SEMA5A: variants seen among roughly 807,000 people sequenced by gnomAD.
SEMA5A encodes the protein semaphorin-5A.
Under a neutral mutation model 135.5 loss-of-function variants are expected in SEMA5A, and 55 were observed. The ratio of observed to expected loss-of-function variants is 0.41; its 90% CI spans 0.33 to 0.51. The LOEUF is 0.51. SEMA5A is among the 20% of genes least tolerant of loss of function. SEMA5A has a pLI of 0.37. For synonymous variants in SEMA5A, 580 were observed against 546.5 expected (o/e 1.06, Z -0.85); for missense variants, 1,290 against 1,419.9 (o/e 0.91, Z 1.47).
At chr5:9,149,365 C>G (rs1380986369) in intron 12 of SEMA5A, among the ~76,000 whole-genome samples, 2 of 152,176 alleles carry the variant, frequency 1.3e-5, no homozygotes, top group Non-Finnish European at 2.9e-5. Flanking sequence ...ACATCAGGGC[C>G]AGGTGCGGTG....
intron 11 of SEMA5A, among the ~76,000 whole-genome samples, chr5:9,155,142 G>A (rs1240829701): frequency 6.6e-6 from 1 of 152,078 alleles, no homozygotes; most frequent in Non-Finnish European, 1.5e-5. Context: ...TATCCAGTAC[G>A]ACTGTGATGC....
At chr5:9,056,754 A>G (rs1281642380) in intron 18 of SEMA5A, among the ~76,000 whole-genome samples, 1 of 152,186 alleles carries the variant, frequency 6.6e-6, no homozygotes, top group East Asian at 1.9e-4. Context: ...TTACTGTAAG[A>G]TCTAGCAATC....
chr5:9,044,526 G>C lies in SEMA5A; in HGVS notation c.2952C>G (p.Leu984=). Residue 984 remains leucine, a synonymous_variant, in exon 22 of 23, where the codon CTC becomes CTG. Coordinates refer to ENST00000382496, the MANE Select transcript of SEMA5A (RefSeq NM_003966.3). ...AGTAAGTATAGACGAGCAGGGTGAG[G>C]AGGCAGCCGAGGATGGAGCTGCTCA... ...VGLSSSILGC[L]LTLLVYTYCQ... is the part of the protein sequence containing the mutation. 6.2e-7 allele frequency: 1 copy of C among 1,614,038 alleles called. No homozygotes were observed. Among genetic ancestry groups the C allele is most frequent in the Non-Finnish European group, 8.5e-7 (1 of 1,180,028 alleles).
intron 8 of SEMA5A, among the ~76,000 whole-genome samples, chr5:9,218,982 C>G (rs1430681448): frequency 6.6e-6 from 1 of 152,224 alleles, no homozygotes; most frequent in Non-Finnish European, 1.5e-5. Context: ...GTGCCAGACA[C>G]TAATACTTAT....
intron 16 of SEMA5A, 92 bp from the exon 17 acceptor site, chr5:9,066,738 C>T: frequency 9.5e-7 from 1 of 1,056,518 alleles, no homozygotes; most frequent in South Asian, 1.4e-5. Flanking sequence ...ATAAGGGTCT[C>T]TAAAACACCA....
chr5:9,203,009 A>G (rs1036119297), intron 8 of SEMA5A, among the ~76,000 whole-genome samples: 1 of 152,230 alleles, frequency 6.6e-6, no homozygotes, highest in African/African-American at 2.4e-5. Flanking sequence ...CAAAGCCTTT[A>G]CTTAATCACC....
chr5:9,085,120 T>G (rs1210878032), intron 16 of SEMA5A, among the ~76,000 whole-genome samples: 1 of 152,214 alleles, frequency 6.6e-6, no homozygotes, highest in Non-Finnish European at 1.5e-5. Context: ...AAGTGGTGAC[T>G]TGGGTGCTGT....
At chr5:9,066,151 CACACAAA>C in intron 17 of SEMA5A, among the ~76,000 whole-genome samples, 2 of 152,192 alleles carry the variant, frequency 1.3e-5, no homozygotes, top group African/African-American at 2.4e-5. Context: ...GAATAAATCT[CACACAAA>C]TGATTCTGGG....
In SEMA5A at chr5:9,154,538, C is replaced by T. The variant is rs146836181; in HGVS notation, c.1431G>A (p.Glu477=). The T allele has an allele frequency of 5.6e-4, 903 of 1,612,676 alleles. 3 individuals carry two copies. The highest frequency in any genetic ancestry group is 2.6e-4 in the Non-Finnish European group (306 of 1,179,958). The change falls in exon 12 of 23, where the codon GAG becomes GAA. Residue 477 remains glutamate (E), a synonymous_variant. Transcript: ENST00000382496. ...SQSVLFVGLR[E]HVVKIPLKRC... ...TCTTCAGGGGGATCTTGACCACGTG[C>T]TCCCGCAGGCCCACGAACAGGACAC...
chr5:9,369,326 T>G (rs1755039854), intron 3 of SEMA5A, among the ~76,000 whole-genome samples: 1 of 152,220 alleles, frequency 6.6e-6, no homozygotes, highest in Admixed American at 6.5e-5. Context: ...AATGGTGTCT[T>G]CGAAGAGAAA....
At chr5:9,298,623 G>C (rs376357711) in intron 5 of SEMA5A, among the ~76,000 whole-genome samples, 1 of 152,272 alleles carries the variant, frequency 6.6e-6, no homozygotes, top group South Asian at 2.1e-4. Flanking sequence ...CATAGGTTAA[G>C]TTTCTAGTGC....
At chr5:9,227,936 A>G (rs1747409523) in intron 6 of SEMA5A, among the ~76,000 whole-genome samples, 1 of 152,224 alleles carries the variant, frequency 6.6e-6, no homozygotes, top group Non-Finnish European at 1.5e-5. Context: ...ACAAAACCCT[A>G]GGCTGAGGGA....
At chr5:9,245,270 C>A (rs1370988774) in intron 5 of SEMA5A, among the ~76,000 whole-genome samples, 1 of 152,056 alleles carries the variant, frequency 6.6e-6, no homozygotes, top group Non-Finnish European at 1.5e-5. Context: ...CACTTAGGAG[C>A]CCTCTCAGTT....
rs1745738306 is a variant in SEMA5A at position 9,202,028 on chromosome 5, A to G, written c.859T>C (p.Tyr287His). 6.2e-7 allele frequency: 1 copy of G among 1,614,082 alleles called. No homozygotes were observed. The highest frequency in any genetic ancestry group is 8.5e-7 in the Non-Finnish European group (1 of 1,180,028). ...AAAGTACTCTGCAATTCGTTGTAGT[A>G]AAAGGGGACTTCCCCAGGACGGGAG... is the stretch of plus-strand genomic sequence containing the variant. ...NCSRPGEVPF[Y>H]YNELQSTFFL... is the part of the protein sequence containing the mutation. The change falls in exon 9 of 23, where the codon TAC (tyrosine) becomes CAC (histidine). Residue 287 changes from tyrosine (Y) to histidine (H), a missense_variant. Around this residue, in one of 3 missense-constraint regions of SEMA5A, gnomAD observed 1,029 missense variants for 1,086.6 expected, o/e 0.95. Coordinates refer to ENST00000382496, the MANE Select transcript of SEMA5A (RefSeq NM_003966.3).
intron 16 of SEMA5A, among the ~76,000 whole-genome samples, chr5:9,084,672 T>C (rs1389743816): frequency 6.6e-6 from 1 of 152,192 alleles, no homozygotes; most frequent in Non-Finnish European, 1.5e-5. Flanking sequence ...CTTTTGTAAA[T>C]TCCCTTGTCT....
At position 9,453,889 on chromosome 5, in the gene SEMA5A, C is replaced by A. The variant is rs148632499; in HGVS notation, c.-174-16037G>T. Among the ~76,000 whole-genome samples, 16 of 152,308 alleles carry A rather than the reference C, an allele frequency of 1.1e-4. No individual in the cohort carries two copies. The East Asian group carries it at 3.1e-3, about 29-fold the overall frequency. Reference sequence around the variant, plus strand: ...TGACACAGGATCATCACAGGCCAACCTGAAGGACTGTGTAAGTAGAGTTTT... The same window carrying A: ...TGACACAGGATCATCACAGGCCAACATGAAGGACTGTGTAAGTAGAGTTTT... On this transcript the variant is annotated intron_variant, in intron 1 of 22. Transcript: ENST00000382496.
intron 13 of SEMA5A, among the ~76,000 whole-genome samples, chr5:9,132,872 A>G (rs1741511815): frequency 6.6e-6 from 1 of 152,220 alleles, no homozygotes. Flanking sequence ...TCATTCAAAA[A>G]TCCCTCAGCT....
chr5:9,442,624 G>A (rs148832447), intron 1 of SEMA5A, among the ~76,000 whole-genome samples: 1 of 152,152 alleles, frequency 6.6e-6, no homozygotes, highest in African/African-American at 2.4e-5. Context: ...GACTAAGTGT[G>A]CAGCTTCAGC....
At chr5:9,253,958 C>T (rs1748929516) in intron 5 of SEMA5A, among the ~76,000 whole-genome samples, 1 of 152,166 alleles carries the variant, frequency 6.6e-6, no homozygotes, top group Admixed American at 6.5e-5. Context: ...CCATGCCTAA[C>T]ATCATTAAGG....
Sources: gnomAD v4.1 joint callset for allele counts (sites outside exome capture counted in the v4.1 genomes callset) on GRCh38, gnomAD v4.1.1 for gene constraint, gnomAD v4.1.1 regional missense constraint, MANE v1.5 for transcripts, NCBI Gene and HGNC (gene_info 2026-07-23, HGNC 2026-07-21) for gene names.